ATP7A: variants seen among roughly 807,000 people sequenced by gnomAD.
ATP7A encodes the protein copper-transporting ATPase 1.
ATP7A carries 7 observed loss-of-function variants against 83.5 expected under a neutral mutation model. The observed-to-expected ratio is 0.08, with a 90% CI of 0.05 to 0.16. The LOEUF (loss-of-function observed/expected upper bound fraction) is 0.16, where lower values mean the gene tolerates loss of function less well. Among genes scored for constraint, ATP7A ranks in the 10% least tolerant of loss-of-function variants. The probability of loss-of-function intolerance (pLI) is 1.00; values close to 1 mark genes in which losing one functional copy is unlikely to be tolerated. For synonymous variants in ATP7A, 354 were observed against 395.2 expected (o/e 0.90, Z 1.24); for missense variants, 940 against 1,120.8 (o/e 0.84, Z 2.30).
In ATP7A at chrX:77,910,833, C is replaced by A. The variant is rs782671653; in HGVS notation, c.-24C>A. The A allele has an allele frequency of 8.9e-6, 1 of 112,308 alleles. No individual in the cohort carries two copies. The highest frequency in any genetic ancestry group is 2.8e-4 in the East Asian group (1 of 3,561). 9.3% of individuals were successfully genotyped at this position (112,308 alleles called of 1,213,427 possible). On this transcript the variant is annotated splice_region_variant and 5_prime_UTR_variant, in exon 1 of 23. Coordinates refer to ENST00000341514, the MANE Select transcript of ATP7A (RefSeq NM_000052.7). ...AGGTTTAACCATAGGATAGAGAAAC[C>A]AGGTAAGTCCTACATTGGCTTCCCG... is the stretch of plus-strand genomic sequence containing the variant.
chrX:77,940,244 T>C (rs2077344371), intron 1 of ATP7A, among the ~76,000 whole-genome samples: 1 of 110,898 alleles, frequency 9.0e-6, no homozygotes, highest in South Asian at 3.7e-4. Flanking sequence ...TAAATAAAAT[T>C]TTAAAGAATT....
intron 10 of ATP7A, 100 bp from the exon 11 acceptor site, chrX:78,014,562 G>A (rs976171985): frequency 1.3e-5 from 8 of 593,360 alleles, no homozygotes; most frequent in Admixed American, 2.8e-5. Context: ...TATTCCTAAA[G>A]CTGTCTTTTG....
rs2077173936 is a variant in ATP7A at position 77,914,237 on chromosome X, AATT to A, written c.-22+3409_-22+3411del. On this transcript the variant is annotated intron_variant, in intron 1 of 22. Coordinates refer to ENST00000341514, the MANE Select transcript of ATP7A (RefSeq NM_000052.7). ...ATGCCTAGCTACTTATTTATTAATT[AATT>A]ATTATTTTTTAAATAATATTATTTT... is the stretch of plus-strand genomic sequence containing the variant. 1.1e-4 allele frequency among the ~76,000 whole-genome samples: 12 copies of A among 109,832 alleles called. 1 individual carries two copies. The South Asian group carries it at 4.5e-3, about 41-fold the overall frequency.
At chrX:77,932,785 A>T (rs2149049142) in intron 1 of ATP7A, among the ~76,000 whole-genome samples, 1 of 112,654 alleles carries the variant, frequency 8.9e-6, no homozygotes, top group East Asian at 2.8e-4. Flanking sequence ...CGCGCCTGCA[A>T]TCGCAGGCAC....
intron 14 of ATP7A, among the ~76,000 whole-genome samples, chrX:78,027,986 T>A (rs1161377140): frequency 9.3e-6 from 1 of 107,057 alleles, no homozygotes; most frequent in East Asian, 3.0e-4. Context: ...GTTGGGAAGT[T>A]TTTTTGGTAT....
intron 1 of ATP7A, among the ~76,000 whole-genome samples, chrX:77,929,518 C>T (rs1285678546): frequency 3.6e-5 from 4 of 111,594 alleles, no homozygotes; most frequent in South Asian, 3.8e-4. Context: ...ACTATGTCTT[C>T]GAACTTGAAT....
intron 2 of ATP7A, among the ~76,000 whole-genome samples, chrX:77,984,962 C>T (rs1432525175): frequency 8.9e-6 from 1 of 111,861 alleles, no homozygotes; most frequent in Non-Finnish European, 1.9e-5. Flanking sequence ...TTTTCTTATG[C>T]CTTTTATAAA....
intron 2 of ATP7A, among the ~76,000 whole-genome samples, chrX:77,978,745 A>G (rs782149815): frequency 9.8e-5 from 11 of 112,031 alleles, no homozygotes; most frequent in Non-Finnish European, 1.7e-4. Context: ...TCAGAGAGGT[A>G]TATCAGGCAT....
intron 14 of ATP7A, among the ~76,000 whole-genome samples, chrX:78,028,059 G>A: frequency 9.1e-6 from 1 of 109,483 alleles, no homozygotes; most frequent in East Asian, 2.8e-4. Flanking sequence ...GTCTCGCTCT[G>A]TTGCCCAGGC....
intron 2 of ATP7A, among the ~76,000 whole-genome samples, chrX:77,985,419 G>C (rs1557231282): frequency 9.1e-6 from 1 of 110,472 alleles, no homozygotes; most frequent in East Asian, 2.8e-4. Flanking sequence ...ACCAGGTCTT[G>C]TTTAAGATGT....
chrX:78,016,931 G>A (rs782365055), intron 12 of ATP7A, among the ~76,000 whole-genome samples: 3 of 112,298 alleles, frequency 2.7e-5, no homozygotes, highest in African/African-American at 9.7e-5. Flanking sequence ...TCTGTGGTCT[G>A]GAGGATAGTG....
Position 78,046,797 on chromosome X carries a change from C to A in ATP7A, c.*227C>A. On this transcript the variant is annotated 3_prime_UTR_variant, in exon 23 of 23. Transcript: ENST00000341514. ...TCCAGTATATTTTTGTTTTCACTAA[C>A]AACAGATAAGGTAGAGCAGTGAGGT... 1 of 426,270 alleles carries A rather than the reference C, an allele frequency of 2.3e-6. No homozygotes were observed. Among genetic ancestry groups the A allele is most frequent in the South Asian group, 3.6e-5 (1 of 27,965 alleles). The allele number at this position is 426,270 out of a possible 1,213,427, so 35.1% of individuals were successfully genotyped here. A position where few individuals can be genotyped will look rare whatever the true frequency, so the allele number is the denominator to read the frequency against.
At chrX:77,926,735 C>T (rs1458510310) in intron 1 of ATP7A, among the ~76,000 whole-genome samples, 1 of 107,843 alleles carries the variant, frequency 9.3e-6, no homozygotes, top group African/African-American at 3.4e-5. Flanking sequence ...TGGAGTCTTG[C>T]TCTGTCACCC....
At chrX:78,036,372 G>A (rs187532886) in intron 17 of ATP7A, among the ~76,000 whole-genome samples, 7 of 111,030 alleles carry the variant, frequency 6.3e-5, no homozygotes, top group Admixed American at 3.9e-4. Flanking sequence ...TGGCAAACAC[G>A]TTCTAGGCAG....
chrX:78,004,224 G>T (rs1265348006), intron 6 of ATP7A, among the ~76,000 whole-genome samples: 1 of 109,886 alleles, frequency 9.1e-6, no homozygotes, highest in African/African-American at 3.4e-5. Flanking sequence ...AAAACTACAT[G>T]TATGTGTACT....
At chrX:78,006,309 A>C (rs937905462) in intron 6 of ATP7A, among the ~76,000 whole-genome samples, 5 of 112,158 alleles carry the variant, frequency 4.5e-5, no homozygotes, top group Non-Finnish European at 9.4e-5. Context: ...ACATGTATGC[A>C]AAGATGTTCA....
At chrX:78,003,029 A>T (rs2077751043) in intron 5 of ATP7A, 44 bp from the exon 6 acceptor site, 1 of 1,133,334 alleles carries the variant, frequency 8.8e-7, no homozygotes, top group Non-Finnish European at 1.2e-6. Context: ...TACTCTTTTT[A>T]AAAAGAATGT....
In ATP7A at chrX:77,998,618, C is replaced by G; in HGVS notation, c.1477C>G (p.Gln493Glu). Residue 493 changes from glutamine (Q) to glutamate (E), a missense_variant, in exon 5 of 23, where the codon CAG (glutamine) becomes GAG (glutamate). Physicochemically the swap from Gln to Glu is conservative, Grantham distance 29. Transcript: ENST00000341514. ...EGKNSSKCYI[Q>E]VTGMTCASCV... ...AAAGAATTCATCTAAGTGTTACATA[C>G]AGGTCACTGGCATGACTTGCGCTTC... 1 of 1,211,860 alleles carries G rather than the reference C, an allele frequency of 8.3e-7. No homozygotes were observed. The highest frequency in any genetic ancestry group is 1.8e-5 in the South Asian group (1 of 57,014).
intron 4 of ATP7A, among the ~76,000 whole-genome samples, chrX:77,995,567 C>CA (rs1232051931): frequency 0.051 from 1,774 of 34,799 alleles, 66 homozygotes; most frequent in Non-Finnish European, 0.071. Flanking sequence ...GACTCCATCT[C>CA]AAAAAAAAAA....
Sources: gnomAD v4.1 joint callset for allele counts (sites outside exome capture counted in the v4.1 genomes callset) on GRCh38, gnomAD v4.1.1 for gene constraint, MANE v1.5 for transcripts, NCBI Gene and HGNC (gene_info 2026-07-23, HGNC 2026-07-21) for gene names.